Variants in CYFIP2 observed in about 807,000 individuals in gnomAD.
CYFIP2 encodes the protein cytoplasmic FMR1-interacting protein 2.
In CYFIP2, 29 loss-of-function variants were observed where a neutral mutation model predicts 158.7. The ratio of observed to expected loss-of-function variants is 0.18; its 90% CI spans 0.14 to 0.25. The LOEUF (loss-of-function observed/expected upper bound fraction) is 0.25, where lower values mean the gene tolerates loss of function less well. CYFIP2 is among the 10% of genes least tolerant of loss of function. CYFIP2 has a pLI of 1.00. For synonymous variants in CYFIP2, 585 were observed against 617.6 expected (o/e 0.95, Z 0.78); for missense variants, 852 against 1,639.5 (o/e 0.52, Z 8.29).
chr5:157,390,595 A>C lies in CYFIP2; in HGVS notation c.3521A>C (p.Asp1174Ala), dbSNP rs1313098894. The C allele has an allele frequency of 2.6e-6, 4 of 1,566,090 alleles. No homozygotes were observed. In the Admixed American group the frequency reaches 5.7e-5, roughly 23 times the overall value. Residue 1174 changes from aspartate (D) to alanine (A), a missense_variant, in exon 30 of 31, where the codon GAC becomes GCC. Physicochemically the swap from Asp to Ala is moderately radical, Grantham distance 126. Transcript: ENST00000620254. ...CTGCTGGGCCAGCAGCGTCGCTTTG[A>C]CCTGTTCGACTTCTGTTACCACCTG... is the stretch of plus-strand genomic sequence containing the variant. ...IVLLGQQRRFDLFDFCYHLLK... is the reference protein window; with the variant it reads ...IVLLGQQRRFALFDFCYHLLK...
chr5:157,382,757 G>T, intron 27 of CYFIP2, 95 bp downstream of exon 27: 1 of 1,298,956 alleles, frequency 7.7e-7, no homozygotes, highest in East Asian at 2.4e-5. Context: ...TCAGCAAGGG[G>T]GAAGGTTAAA....
intron 23 of CYFIP2, among the ~76,000 whole-genome samples, chr5:157,350,128 T>G (rs1485651191): frequency 6.6e-6 from 1 of 152,258 alleles, no homozygotes; most frequent in Non-Finnish European, 1.5e-5. Context: ...TTTTTTAGTT[T>G]AAGTCCCATT....
At position 157,302,803 on chromosome 5, in the gene CYFIP2, G is replaced by T; in HGVS notation, c.579G>T (p.Gln193His). 1 of 1,578,856 alleles carries T rather than the reference G, an allele frequency of 6.3e-7. No individual in the cohort carries two copies. The highest frequency in any genetic ancestry group is 8.6e-7 in the Non-Finnish European group (1 of 1,161,750). Reference protein sequence around the residue: ...NDHSAYKRAAQFLRKMADPQS... With the variant: ...NDHSAYKRAAHFLRKMADPQS... ...ACTATCTGCGTTTCAGGGCAGCACA[G>T]TTCCTGCGGAAGATGGCAGATCCCC... is the stretch of plus-strand genomic sequence containing the variant. Residue 193 changes from glutamine to histidine, a missense_variant, in exon 7 of 31, where the codon CAG becomes CAT. Around this residue, in one of 8 missense-constraint regions of CYFIP2, gnomAD observed 123 missense variants for 316.7 expected, o/e 0.39. Coordinates refer to ENST00000620254, the MANE Select transcript of CYFIP2 (RefSeq NM_001037333.3).
intron 26 of CYFIP2, among the ~76,000 whole-genome samples, chr5:157,371,271 G>T (rs759902921): frequency 6.6e-6 from 1 of 152,102 alleles, no homozygotes; most frequent in Admixed American, 6.5e-5. Context: ...CCAGCTCCCC[G>T]TCCCCCTCCT....
intron 29 of CYFIP2, among the ~76,000 whole-genome samples, chr5:157,390,275 T>C (rs1767145274): frequency 6.6e-6 from 1 of 151,998 alleles, no homozygotes; most frequent in Admixed American, 6.5e-5. Context: ...GAGCTGATTT[T>C]TTTTTTTTTT....
chr5:157,281,232 G>T (rs1047462746), intron 1 of CYFIP2, among the ~76,000 whole-genome samples: 1 of 152,032 alleles, frequency 6.6e-6, no homozygotes, highest in Non-Finnish European at 1.5e-5. Context: ...AGCATTCTTG[G>T]TGCGTTTTTC....
chr5:157,339,096 C>T lies in CYFIP2; in HGVS notation c.2425C>T (p.Arg809Trp), dbSNP rs780950093. 8.7e-6 allele frequency: 14 copies of T among 1,613,284 alleles called. No homozygotes were observed. Among genetic ancestry groups the T allele is most frequent in the South Asian group, 6.6e-5 (6 of 90,994 alleles). Reference sequence around the variant, plus strand: ...GCTGGAGATTAACCGGCTCACGCATCGGCTGCTCTGTAAGCATATGACGCT... The same window carrying T: ...GCTGGAGATTAACCGGCTCACGCATTGGCTGCTCTGTAAGCATATGACGCT... ...WLLEINRLTH[R>W]LLCKHMTLDS... The change falls in exon 22 of 31, where the codon CGG (arginine) becomes TGG (tryptophan). Residue 809 changes from arginine (R) to tryptophan (W), a missense_variant. Physicochemically the swap from Arg to Trp is moderately radical, Grantham distance 101 (BLOSUM62 -3). Around this residue, in one of 8 missense-constraint regions of CYFIP2, gnomAD observed 191 missense variants for 311.2 expected, o/e 0.61. Transcript: ENST00000620254.
chr5:157,307,571 AC>A (rs1759336965), intron 8 of CYFIP2, among the ~76,000 whole-genome samples, 189 bp from the exon 9 acceptor site: 1 of 152,000 alleles, frequency 6.6e-6, no homozygotes, highest in African/African-American at 2.4e-5. Flanking sequence ...TTGAAATTAG[AC>A]TTACATTTCC....
chr5:157,266,609 CT>C lies in CYFIP2; in HGVS notation c.-24+415del, dbSNP rs1486666078. On this transcript the variant is annotated intron_variant, in intron 1 of 30. Coordinates refer to ENST00000620254, the MANE Select transcript of CYFIP2 (RefSeq NM_001037333.3). The surrounding 1 kb of genome is among the most constrained non-coding windows in gnomAD (Gnocchi z 4.2). ...GGTACTGCAGAGCGCTGGCCCCTGC[CT>C]CTGCCGCCGTGACCACCGTCACCTC... The C allele has an allele frequency of 6.6e-6, 1 of 152,418 alleles. No individual in the cohort carries two copies. Among genetic ancestry groups the C allele is most frequent in the Non-Finnish European group, 1.5e-5 (1 of 68,240 alleles). 9.4% of individuals were successfully genotyped at this position (152,418 alleles called of 1,614,324 possible).
Position 157,311,560 on chromosome 5 carries a change from C to A in CYFIP2, c.993-104C>A. ...GGCTGGGATACCATTTGGTGTCACC[C>A]AGGGGAGTTGGCCACGTGGGCTGAG... On this transcript the variant is annotated intron_variant, in intron 10 of 30. Coordinates refer to ENST00000620254, the MANE Select transcript of CYFIP2 (RefSeq NM_001037333.3). The surrounding 1 kb of genome is among the most constrained non-coding windows in gnomAD (Gnocchi z 4.7). 1.0e-6 allele frequency: 1 copy of A among 961,956 alleles called. No homozygotes were observed. Among genetic ancestry groups the A allele is most frequent in the Non-Finnish European group, 1.6e-6 (1 of 634,692 alleles). 59.6% of individuals were successfully genotyped at this position (961,956 alleles called of 1,614,324 possible). A position where few individuals can be genotyped will look rare whatever the true frequency, so the allele number is the denominator to read the frequency against.
intron 29 of CYFIP2, 58 bp from the exon 30 acceptor site, chr5:157,390,463 C>G: frequency 7.8e-7 from 1 of 1,287,146 alleles, no homozygotes; most frequent in Non-Finnish European, 1.1e-6. Flanking sequence ...AGGCTCCCTC[C>G]CTCCCTGCCC....
At chr5:157,379,295 G>T (rs1264956784) in intron 26 of CYFIP2, among the ~76,000 whole-genome samples, 1 of 151,892 alleles carries the variant, frequency 6.6e-6, no homozygotes, top group Admixed American at 6.6e-5. Context: ...TTGGTAACAG[G>T]ATTTAGTATC....
chr5:157,275,600 C>T (rs974127658), intron 1 of CYFIP2, among the ~76,000 whole-genome samples: 1 of 152,150 alleles, frequency 6.6e-6, no homozygotes, highest in African/African-American at 2.4e-5. Context: ...TTCAGTTCCT[C>T]CCACCCCCAA....
chr5:157,340,664 C>G (rs144416486), intron 22 of CYFIP2, among the ~76,000 whole-genome samples: 4 of 152,356 alleles, frequency 2.6e-5, no homozygotes, highest in African/African-American at 9.6e-5. Flanking sequence ...TGAGTACTTG[C>G]AACAGAGACC....
intron 28 of CYFIP2, among the ~76,000 whole-genome samples, chr5:157,387,322 C>T (rs1766797644): frequency 6.6e-6 from 1 of 152,302 alleles, no homozygotes; most frequent in Middle Eastern, 3.4e-3. Context: ...GCTCCTGTGT[C>T]ATTCAAGGCC....
chr5:157,372,037 C>T (rs998697180), intron 26 of CYFIP2, among the ~76,000 whole-genome samples: 3 of 152,140 alleles, frequency 2.0e-5, no homozygotes, highest in African/African-American at 7.2e-5. Context: ...AGCACAAGCT[C>T]CTGGGAGTTC....
intron 23 of CYFIP2, chr5:157,341,974 A>G (rs1271910809): frequency 1.3e-5 from 2 of 152,440 alleles, no homozygotes; most frequent in East Asian, 1.9e-4. Context: ...TAAAAACAGC[A>G]CTTCCCTTTT....
chr5:157,302,989 G>C, intron 7 of CYFIP2, 99 bp downstream of exon 7: 2 of 880,794 alleles, frequency 2.3e-6, no homozygotes, highest in Non-Finnish European at 3.5e-6. Context: ...GACAAGCTCA[G>C]TCTGCAGCTT....
At chr5:157,334,516 G>A (rs10036429) in intron 21 of CYFIP2, among the ~76,000 whole-genome samples, 70,605 of 151,884 alleles carry the variant, frequency 0.46, 18,234 homozygotes, top group African/African-American at 0.71. Flanking sequence ...AATTACAAAG[G>A]GAAGAATGAC....
Sources: allele counts gnomAD v4.1 joint callset (sites outside exome capture counted in the v4.1 genomes callset), GRCh38; gene constraint gnomAD v4.1.1; regional missense constraint gnomAD v4.1.1; non-coding constraint Gnocchi (gnomAD v3.1); transcripts MANE v1.5; gene names NCBI Gene and HGNC (gene_info 2026-07-23, HGNC 2026-07-21).